PGAP1: variants seen among roughly 807,000 people sequenced by gnomAD.
PGAP1 encodes the protein GPI inositol-deacylase.
PGAP1 carries 76 observed loss-of-function variants against 127.0 expected under a neutral mutation model. The ratio of observed to expected loss-of-function variants is 0.60; its 90% CI spans 0.50 to 0.72. The LOEUF is 0.72. Among genes scored for constraint, PGAP1 ranks in the 30% least tolerant of loss-of-function variants. The probability of loss-of-function intolerance (pLI) is 0.00; values close to 1 mark genes in which losing one functional copy is unlikely to be tolerated. For missense variants in PGAP1, 982 were observed against 1,071.3 expected, an observed-to-expected ratio of 0.92 and a Z score of 1.16; for synonymous variants, 362 against 366.5, an observed-to-expected ratio of 0.99 and a Z score of 0.14.
At chr2:196,857,156 C>T (rs78749560) in intron 20 of PGAP1, among the ~76,000 whole-genome samples, 9 of 152,330 alleles carry the variant, frequency 5.9e-5, no homozygotes, top group Non-Finnish European at 1.3e-4. Flanking sequence ...CCCATAGTCT[C>T]GGCTCAAAAG....
intron 5 of PGAP1, among the ~76,000 whole-genome samples, chr2:196,898,696 A>C (rs1702371661): frequency 6.6e-6 from 1 of 152,202 alleles, no homozygotes; most frequent in Non-Finnish European, 1.5e-5. Flanking sequence ...AGACAAGTTT[A>C]AGATTCTTTA....
intron 12 of PGAP1, among the ~76,000 whole-genome samples, chr2:196,884,236 C>T (rs902729298): frequency 6.6e-6 from 1 of 152,052 alleles, no homozygotes; most frequent in South Asian, 2.1e-4. Flanking sequence ...ATCACCTATA[C>T]CCCTCAAGCT....
In PGAP1 at chr2:196,845,990, C is replaced by G. The variant is rs548063328; in HGVS notation, c.2178G>C (p.Lys726Asn). The part of the protein sequence containing the change: ...KRPSELPKDI[K>N]MISPDLPFLT... ...AAAAGGGCAAGTCTGGTGATATCAT[C>G]TTGATATCTTTAGGAAGTTCAGAGG... Residue 726 changes from lysine (K) to asparagine (N), a missense_variant, in exon 23 of 27, where the codon AAG (lysine) becomes AAC (asparagine). By Grantham distance (94) the Lys-to-Asn change is moderately conservative (BLOSUM62 0). Coordinates refer to ENST00000354764, the MANE Select transcript of PGAP1 (RefSeq NM_024989.4). 1.7e-5 allele frequency: 27 copies of G among 1,596,348 alleles called. 1 individual carries two copies. The South Asian group carries it at 2.6e-4, about 15-fold the overall frequency.
chr2:196,847,614 A>G (rs563687010), intron 21 of PGAP1: 1 of 199,604 alleles, frequency 5.0e-6, no homozygotes, highest in East Asian at 1.3e-4. Context: ...AAAAGTGATC[A>G]GAGAGGCACT....
intron 13 of PGAP1, among the ~76,000 whole-genome samples, chr2:196,879,451 T>C (rs1425141234): frequency 6.6e-6 from 1 of 152,150 alleles, no homozygotes; most frequent in Non-Finnish European, 1.5e-5. Context: ...TCCCAGCACT[T>C]TGGGAGGCCA....
rs1700858566 is a variant in PGAP1 at position 196,855,686 on chromosome 2, T to C, written c.1862-7649A>G. Among the ~76,000 whole-genome samples, 4 of 152,274 alleles carry C rather than the reference T, an allele frequency of 2.6e-5. No homozygotes were observed. The South Asian group carries it at 8.3e-4, about 32-fold the overall frequency. On this transcript the variant is annotated intron_variant, in intron 20 of 26. Transcript: ENST00000354764. ...TAAAGTATACTTTTCTGAACAAAGA[T>C]GGAATCATATGCTTTTTCTCTCTAC...
At chr2:196,868,631 C>A (rs1378280662) in intron 19 of PGAP1, among the ~76,000 whole-genome samples, 1 of 152,132 alleles carries the variant, frequency 6.6e-6, no homozygotes, top group African/African-American at 2.4e-5. Context: ...GATTTACTAG[C>A]GTTTATGGAA....
chr2:196,922,121 T>A (rs184049762), intron 1 of PGAP1: 2 of 1,265,868 alleles, frequency 1.6e-6, no homozygotes, highest in African/African-American at 3.1e-5. Flanking sequence ...TTAAATATTA[T>A]CTCCACAATC....
rs79467243 is a variant in PGAP1, at chr2:196,858,773, T to G, written c.1861+6214A>C. Among the ~76,000 whole-genome samples the G allele has an allele frequency of 6.5e-3, 985 of 152,198 alleles. 6 individuals are homozygous for G. Among genetic ancestry groups the G allele is most frequent in the African/African-American group, 0.022 (932 of 41,544 alleles). Reference sequence around the variant, plus strand: ...CAAAAAGATCAACAAAATAAAAAGTTGCTTTTTTGAAAAGTTAACCAAAAT... The same window carrying G: ...CAAAAAGATCAACAAAATAAAAAGTGGCTTTTTTGAAAAGTTAACCAAAAT... On this transcript the variant is annotated intron_variant, in intron 20 of 26. Coordinates refer to ENST00000354764, the MANE Select transcript of PGAP1 (RefSeq NM_024989.4).
chr2:196,895,599 G>T (rs149289057), intron 7 of PGAP1, among the ~76,000 whole-genome samples: 1 of 152,152 alleles, frequency 6.6e-6, no homozygotes, highest in East Asian at 1.9e-4. Flanking sequence ...ACTTAATACC[G>T]AATCTTGTAG....
At chr2:196,855,325 C>CA (rs112534782) in intron 20 of PGAP1, among the ~76,000 whole-genome samples, 15,059 of 66,918 alleles carry the variant, frequency 0.23, 1,651 homozygotes, top group African/African-American at 0.32. Context: ...ACTCTGTCAC[C>CA]AAAAAAAAAA....
intron 4 of PGAP1, among the ~76,000 whole-genome samples, chr2:196,905,737 TGTGCGCGCACC>T (rs1161556565): frequency 6.8e-6 from 1 of 146,540 alleles, no homozygotes; most frequent in African/African-American, 2.5e-5. Flanking sequence ...CAGGCCAGTG[TGTGCGCGCACC>T]GTGCGCGAGC....
intron 11 of PGAP1, 117 bp downstream of exon 11, chr2:196,885,712 AACAAT>A: frequency 1.4e-6 from 1 of 728,722 alleles, no homozygotes; most frequent in Non-Finnish European, 2.0e-6. Flanking sequence ...TCATTTTAAA[AACAAT>A]ATTATAATTT....
In PGAP1 at chr2:196,865,749, T is replaced by A. The variant is rs552600522; in HGVS notation, c.1768-669A>T. Among the ~76,000 whole-genome samples the A allele has an allele frequency of 2.4e-3, 356 of 148,896 alleles. 2 individuals carry two copies. The highest frequency in any genetic ancestry group is 4.4e-3 in the Non-Finnish European group (297 of 67,624). ...AAATCAGTGCCTAAGTTCATAATCA[T>A]TACGTTATAGTGCAAGTCATTCTAT... On this transcript the variant is annotated intron_variant, in intron 19 of 26. Transcript: ENST00000354764.
intron 1 of PGAP1, among the ~76,000 whole-genome samples, chr2:196,924,600 A>G (rs1304990894): frequency 6.6e-6 from 1 of 152,182 alleles, no homozygotes; most frequent in Non-Finnish European, 1.5e-5. Flanking sequence ...CCTGCTAAAA[A>G]TCAAAAACTT....
At position 196,872,996 on chromosome 2, in the gene PGAP1, A is replaced by G. The variant is rs1287076752; in HGVS notation, c.1583T>C (p.Ile528Thr). ...EEITSIYRLH[I>T]PWSYEDSLTI... is the part of the protein sequence containing the mutation. ...TAGTGAATCTTCATAAGACCAAGGA[A>G]TATGAAGTCTATAGATACTGGTTAT... The change falls in exon 17 of 27, where the codon ATT (isoleucine) becomes ACT (threonine). Residue 528 changes from isoleucine to threonine, a missense_variant. Ile to Thr is a moderately conservative substitution (Grantham distance 89). Coordinates refer to ENST00000354764, the MANE Select transcript of PGAP1 (RefSeq NM_024989.4). The G allele has an allele frequency of 2.9e-6, 3 of 1,052,034 alleles. No individual in the cohort carries two copies. Among genetic ancestry groups the G allele is most frequent in the Non-Finnish European group, 4.2e-6 (3 of 710,996 alleles). The allele number at this position is 1,052,034 out of a possible 1,614,324, so 65.2% of individuals were successfully genotyped here. A position where few individuals can be genotyped will look rare whatever the true frequency, so the allele number is the denominator to read the frequency against.
intron 20 of PGAP1, among the ~76,000 whole-genome samples, chr2:196,849,327 G>A (rs1437050501): frequency 1.4e-5 from 2 of 148,140 alleles, no homozygotes; most frequent in African/African-American, 2.5e-5. Flanking sequence ...GCAGTGGCAC[G>A]ATCTTGGCTC....
At chr2:196,865,221 T>C in intron 19 of PGAP1, 141 bp from the exon 20 acceptor site, 1 of 553,048 alleles carries the variant, frequency 1.8e-6, no homozygotes, top group Non-Finnish European at 3.2e-6. Flanking sequence ...TCAAAAACTC[T>C]AAGTAAAATA....
intron 14 of PGAP1, among the ~76,000 whole-genome samples, chr2:196,874,742 G>A (rs1701510445): frequency 6.6e-6 from 1 of 152,188 alleles, no homozygotes; most frequent in Admixed American, 6.5e-5. Context: ...GGCTGGGCAC[G>A]TTGGCTCATG....
Sources: allele counts gnomAD v4.1 joint callset (sites outside exome capture counted in the v4.1 genomes callset), GRCh38; gene constraint gnomAD v4.1.1; transcripts MANE v1.5; gene names NCBI Gene and HGNC (gene_info 2026-07-23, HGNC 2026-07-21).